MECOM: variants seen among roughly 807,000 people sequenced by gnomAD.
MECOM encodes the protein MDS1 and EVI1 complex locus, also known as histone-lysine N-methyltransferase MECOM.
Under a neutral mutation model 116.3 loss-of-function variants are expected in MECOM, and 13 were observed. That is an observed-to-expected ratio of 0.11 (90% confidence interval 0.07 to 0.18). The LOEUF is 0.18. Among genes scored for constraint, MECOM ranks in the 10% least tolerant of loss-of-function variants. MECOM has a pLI of 1.00. For synonymous variants in MECOM, 528 were observed against 535.2 expected, an observed-to-expected ratio of 0.99 and a Z score of 0.19; for missense variants, 1,299 against 1,509.0, an observed-to-expected ratio of 0.86 and a Z score of 2.31.
chr3:169,599,159 A>G (rs1320399558), intron 1 of MECOM, among the ~76,000 whole-genome samples: 1 of 152,226 alleles, frequency 6.6e-6, no homozygotes, highest in Non-Finnish European at 1.5e-5. Flanking sequence ...AACTGAAGTG[A>G]GCTACAACCG....
At chr3:169,462,788 G>A (rs1287331772) in intron 1 of MECOM, among the ~76,000 whole-genome samples, 1 of 152,072 alleles carries the variant, frequency 6.6e-6, no homozygotes, top group African/African-American at 2.4e-5. Context: ...TATGCCAAAG[G>A]CAAATATAGT....
chr3:169,457,258 G>A (rs944145797), intron 1 of MECOM, among the ~76,000 whole-genome samples: 2 of 152,152 alleles, frequency 1.3e-5, no homozygotes, highest in Non-Finnish European at 2.9e-5. Context: ...GCTTAGGAGA[G>A]GCTACTCATT....
chr3:169,472,523 A>AAAGGAAAGGAAAGGAAAGGAAAGGAAAGG (rs1560317894), intron 1 of MECOM, among the ~76,000 whole-genome samples: 7 of 64,568 alleles, frequency 1.1e-4, no homozygotes, highest in African/African-American at 5.4e-4. Flanking sequence ...GAAAGGAAAG[A>AAAGGAAAGGAAAGGAAAGGAAAGGAAAGG]AAAGAAAAGA....
intron 2 of MECOM, among the ~76,000 whole-genome samples, chr3:169,253,514 G>A (rs1478342544): frequency 6.6e-6 from 1 of 151,502 alleles, no homozygotes; most frequent in African/African-American, 2.4e-5. Flanking sequence ...AGGAGCACAT[G>A]TATTTATGTA....
At chr3:169,584,683 T>C (rs1765577420) in intron 1 of MECOM, among the ~76,000 whole-genome samples, 1 of 152,142 alleles carries the variant, frequency 6.6e-6, no homozygotes, top group South Asian at 2.1e-4. Flanking sequence ...TTGAGTATAC[T>C]ACTGGTAAAC....
chr3:169,281,201 C>A (rs756104873), intron 2 of MECOM, among the ~76,000 whole-genome samples: 1 of 152,180 alleles, frequency 6.6e-6, no homozygotes, highest in Non-Finnish European at 1.5e-5. Flanking sequence ...AATGCTGAAT[C>A]GGATTCTGCG....
intron 2 of MECOM, among the ~76,000 whole-genome samples, chr3:169,356,636 T>C (rs1483272540): frequency 6.6e-6 from 1 of 151,942 alleles, no homozygotes; most frequent in Non-Finnish European, 1.5e-5. Context: ...CTCTGGTACT[T>C]ATTATCTTTT....
intron 1 of MECOM, among the ~76,000 whole-genome samples, chr3:169,522,614 A>C (rs928371851): frequency 6.6e-6 from 1 of 152,214 alleles, no homozygotes; most frequent in Non-Finnish European, 1.5e-5. Context: ...ATCAGCACTA[A>C]TCCAGGTATA....
intron 16 of MECOM, chr3:169,086,679 A>G: frequency 1.6e-6 from 1 of 641,628 alleles, no homozygotes; most frequent in Non-Finnish European, 2.8e-6. Context: ...GGTAATACAT[A>G]AATAGTACCT....
intron 3 of MECOM, among the ~76,000 whole-genome samples, chr3:169,139,412 T>C (rs2149261362): frequency 6.6e-6 from 1 of 152,268 alleles, no homozygotes; most frequent in South Asian, 2.1e-4. Flanking sequence ...TTCCTTCTTA[T>C]GGTACAGAAT....
intron 1 of MECOM, among the ~76,000 whole-genome samples, chr3:169,598,346 A>G (rs1025233729): frequency 6.6e-6 from 1 of 152,242 alleles, no homozygotes; most frequent in Non-Finnish European, 1.5e-5. Context: ...CCATCATATG[A>G]AATAAACAGC....
At chr3:169,650,968 T>G (rs1485284505) in intron 1 of MECOM, among the ~76,000 whole-genome samples, 2 of 152,138 alleles carry the variant, frequency 1.3e-5, no homozygotes, top group African/African-American at 4.8e-5. Flanking sequence ...CCAAGGTATA[T>G]TAAGTTTAAA....
intron 2 of MECOM, among the ~76,000 whole-genome samples, chr3:169,220,904 G>A (rs977212297): frequency 5.3e-5 from 8 of 152,108 alleles, no homozygotes; most frequent in Non-Finnish European, 5.9e-5. Context: ...AATATCCGGC[G>A]CATAGTTGGG....
Position 169,410,399 on chromosome 3 carries a change from A to G in MECOM, c.38-28875T>C, listed in dbSNP as rs145799179. Among the ~76,000 whole-genome samples the G allele has an allele frequency of 3.7e-3, 559 of 152,210 alleles. 2 individuals are homozygous for G. The highest frequency in any genetic ancestry group is 0.013 in the African/African-American group (525 of 41,534). On this transcript the variant is annotated intron_variant, in intron 1 of 16. Transcript: ENST00000651503. ...AATAAAGACCGACTTTTCTTTTGGA[A>G]CCTCATTGACATGGCCTTTGGCAGC...
intron 2 of MECOM, among the ~76,000 whole-genome samples, chr3:169,372,794 A>T (rs1308375384): frequency 6.6e-6 from 1 of 151,924 alleles, no homozygotes; most frequent in African/African-American, 2.4e-5. Flanking sequence ...CTAATTGGTT[A>T]GATACAATTA....
At chr3:169,162,919 A>G (rs1229343595) in intron 2 of MECOM, among the ~76,000 whole-genome samples, 2 of 152,204 alleles carry the variant, frequency 1.3e-5, no homozygotes, top group East Asian at 1.9e-4. Flanking sequence ...ATATCCAGGC[A>G]TAACGTTTTG....
chr3:169,218,029 C>T (rs957306879), intron 2 of MECOM, among the ~76,000 whole-genome samples: 1 of 151,510 alleles, frequency 6.6e-6, no homozygotes, highest in African/African-American at 2.4e-5. Context: ...GAAATTAATG[C>T]TTAGGGCAGT....
At chr3:169,461,574 T>C (rs1747450902) in intron 1 of MECOM, among the ~76,000 whole-genome samples, 1 of 152,180 alleles carries the variant, frequency 6.6e-6, no homozygotes, top group Non-Finnish European at 1.5e-5. Context: ...TGGTTCCCAC[T>C]GTACCACATT....
intron 1 of MECOM, among the ~76,000 whole-genome samples, chr3:169,589,641 C>G: frequency 6.6e-6 from 1 of 152,274 alleles, no homozygotes. Flanking sequence ...GTCTCCCCTC[C>G]CCAACCCCCA....
Sources: allele counts gnomAD v4.1 joint callset (sites outside exome capture counted in the v4.1 genomes callset), GRCh38; gene constraint gnomAD v4.1.1; transcripts MANE v1.5; gene names NCBI Gene and HGNC (gene_info 2026-07-23, HGNC 2026-07-21).